TFB1M: variants seen among roughly 807,000 people sequenced by gnomAD.
The protein encoded by TFB1M is dimethyladenosine transferase 1, mitochondrial.
Under a neutral mutation model 31.1 loss-of-function variants are expected in TFB1M, and 27 were observed. That is an observed-to-expected ratio of 0.87 (90% confidence interval 0.64 to 1.20). The LOEUF is 1.20. Among genes scored for constraint, TFB1M ranks in the 50% most tolerant of loss-of-function variants. The probability of loss-of-function intolerance (pLI) is 0.00; values close to 1 mark genes in which losing one functional copy is unlikely to be tolerated. For synonymous variants in TFB1M, 166 were observed against 151.8 expected, an observed-to-expected ratio of 1.09 and a Z score of -0.69; for missense variants, 394 against 418.7, an observed-to-expected ratio of 0.94 and a Z score of 0.51.
chr6:155,237,316 T>C, the TFB1M span, among the ~76,000 whole-genome samples: 2 of 152,266 alleles, frequency 1.3e-5, no homozygotes, highest in Non-Finnish European at 2.9e-5. Flanking sequence ...TGGGTAGCTC[T>C]GTCCCTGTGG....
At chr6:155,307,305 G>A (rs547242338) in intron 2 of TFB1M, among the ~76,000 whole-genome samples, 44 of 152,174 alleles carry the variant, frequency 2.9e-4, no homozygotes, top group African/African-American at 1.0e-3. Flanking sequence ...AGACATTCCC[G>A]AGACTGGGCA....
At chr6:155,243,876 AAGAAT>A in the TFB1M span, 2 of 356,276 alleles carry the variant, frequency 5.6e-6, no homozygotes, top group Non-Finnish European at 9.9e-6. Context: ...AAAAAAAAAA[AAGAAT>A]TTCAACAAGG....
chr6:155,306,501 C>T (rs2114807307), intron 2 of TFB1M, among the ~76,000 whole-genome samples: 1 of 152,048 alleles, frequency 6.6e-6, no homozygotes, highest in Admixed American at 6.5e-5. Context: ...AATAGATTCA[C>T]AAATTTGGTA....
At chr6:155,253,018 T>C (rs1256431354), downstream of TFB1M, 3 of 1,614,064 alleles carry the variant, frequency 1.9e-6, no homozygotes, top group African/African-American at 1.3e-5. Context: ...TTGATCCCCA[T>C]CTCCGCGCTT....
In TFB1M at chr6:155,257,755, TAAAGACA is replaced by T. The variant is rs894967268; in HGVS notation, c.*74_*80del. The T allele has an allele frequency of 1.3e-6, 2 of 1,549,388 alleles. No homozygotes were observed. Among genetic ancestry groups the T allele is most frequent in the Admixed American group, 1.8e-5 (1 of 54,700 alleles). ...CATTGGCATTTGTATCGTCATTCTGTAAAGACAAAAGAGTACCTATATAAGAAGCTCC... is the reference window on the plus strand; with the variant it reads ...CATTGGCATTTGTATCGTCATTCTGTAAAGAGTACCTATATAAGAAGCTCC... On this transcript the variant is annotated 3_prime_UTR_variant, in exon 7 of 7. Transcript: ENST00000367166.
downstream of TFB1M, chr6:155,251,858 G>A (rs1350547667): frequency 8.7e-6 from 9 of 1,032,636 alleles, no homozygotes; most frequent in African/African-American, 1.3e-4. Flanking sequence ...TTTGGAGAGT[G>A]TTACTCTGTT....
the TFB1M span, chr6:155,244,185 C>A: frequency 1.8e-6 from 2 of 1,119,254 alleles, no homozygotes; most frequent in Non-Finnish European, 2.7e-6. Flanking sequence ...AAAAGAACAT[C>A]CCAAGACTTA....
At chr6:155,240,458 G>A in the TFB1M span, 2 of 1,482,134 alleles carry the variant, frequency 1.3e-6, no homozygotes, top group Non-Finnish European at 1.8e-6. Context: ...GAGACACTTG[G>A]TGCCCTTGGG....
At chr6:155,232,282 G>A in the TFB1M span, among the ~76,000 whole-genome samples, 2 of 150,374 alleles carry the variant, frequency 1.3e-5, no homozygotes, top group Non-Finnish European at 1.5e-5. Context: ...TTTTTTTCCC[G>A]TTTTCCTAAA....
intron 4 of TFB1M, among the ~76,000 whole-genome samples, chr6:155,286,713 A>G (rs1172288819): frequency 6.6e-6 from 1 of 150,814 alleles, no homozygotes; most frequent in Non-Finnish European, 1.5e-5. Context: ...ACAGTGGCTC[A>G]TGCCTGTAAT....
rs1562420038 is a variant in TFB1M, at chr6:155,299,545, C to G, written c.286-960G>C. 2.0e-5 allele frequency: 3 copies of G among 152,128 alleles called. No individual in the cohort carries two copies. The East Asian group carries it at 5.8e-4, about 29-fold the overall frequency. The allele number at this position is 152,128 out of a possible 1,614,324, so 9.4% of individuals were successfully genotyped here. ...TGAATGTATCAACGAGAAGAAACAT[C>G]ACTGCTAAGGTAGATTTCAAGGGAA... On this transcript the variant is annotated intron_variant, in intron 2 of 6. Transcript: ENST00000367166.
chr6:155,283,441 A>G (rs1776479042), intron 5 of TFB1M, among the ~76,000 whole-genome samples: 1 of 152,262 alleles, frequency 6.6e-6, no homozygotes, highest in African/African-American at 2.4e-5. Context: ...CCCTCAATAA[A>G]AAAAGGAATC....
intron 1 of TFB1M, 174 bp downstream of exon 1, chr6:155,314,122 G>C (rs985642263): frequency 2.0e-6 from 3 of 1,491,744 alleles, no homozygotes; most frequent in Admixed American, 4.3e-5. Flanking sequence ...CGCACTTCAC[G>C]TGTCTCCTGG....
chr6:155,269,582 A>C (rs527811752), intron 5 of TFB1M, among the ~76,000 whole-genome samples: 8 of 152,150 alleles, frequency 5.3e-5, no homozygotes, highest in African/African-American at 1.7e-4. Context: ...TCAGCCTCCC[A>C]AAGTGTTGGG....
At chr6:155,308,428 CTAAGA>C (rs908093888) in intron 2 of TFB1M, among the ~76,000 whole-genome samples, 1 of 152,132 alleles carries the variant, frequency 6.6e-6, no homozygotes, top group Admixed American at 6.5e-5. Flanking sequence ...TTACTTATAA[CTAAGA>C]TATTATTCAG....
At chr6:155,230,875 C>T in the TFB1M span, among the ~76,000 whole-genome samples, 2 of 151,162 alleles carry the variant, frequency 1.3e-5, no homozygotes, top group African/African-American at 4.9e-5. Context: ...GCTCTGTCAC[C>T]CAGGCTGGAG....
chr6:155,274,507 C>G (rs1785079429), intron 5 of TFB1M, among the ~76,000 whole-genome samples: 1 of 152,212 alleles, frequency 6.6e-6, no homozygotes, highest in South Asian at 2.1e-4. Flanking sequence ...TTTTTGAGAT[C>G]TGCCATCACT....
chr6:155,256,540 G>A lies in TFB1M; in HGVS notation c.*1296C>T. ...TTCCTCCAGCAACGAGTGGACCGGT[G>A]AGACTGGCAAGGGAACCTTGCTGGA... On this transcript the variant is annotated 3_prime_UTR_variant, in exon 7 of 7. Coordinates refer to ENST00000367166, the MANE Select transcript of TFB1M (RefSeq NM_016020.4). 6.2e-7 allele frequency: 1 copy of A among 1,614,212 alleles called. No homozygotes were observed. Among genetic ancestry groups the A allele is most frequent in the Non-Finnish European group, 8.5e-7 (1 of 1,180,042 alleles).
chr6:155,307,377 C>T (rs370953371), intron 2 of TFB1M, among the ~76,000 whole-genome samples: 3 of 152,034 alleles, frequency 2.0e-5, no homozygotes, highest in East Asian at 1.9e-4. Flanking sequence ...ACAATCATGA[C>T]GGAAGGCAAG....
Sources: allele counts gnomAD v4.1 joint callset (sites outside exome capture counted in the v4.1 genomes callset), GRCh38; gene constraint gnomAD v4.1.1; transcripts MANE v1.5; gene names NCBI Gene and HGNC (gene_info 2026-07-23, HGNC 2026-07-21).